KCP: variants seen among roughly 807,000 people sequenced by gnomAD.
The protein encoded by KCP is kielin/chordin-like protein.
A neutral mutation model predicts 212.7 loss-of-function variants in KCP; 194 were observed. The observed-to-expected ratio is 0.91, with a 90% CI of 0.81 to 1.03. The LOEUF is 1.03. KCP is among the 50% of genes least tolerant of loss of function. The pLI is 0.00. For missense variants in KCP, 2,080 were observed against 2,162.5 expected, an observed-to-expected ratio of 0.96 and a Z score of 0.76; for synonymous variants, 833 against 865.3, an observed-to-expected ratio of 0.96 and a Z score of 0.65.
intron 5 of KCP, among the ~76,000 whole-genome samples, chr7:128,905,591 C>T (rs997127010): frequency 5.9e-5 from 9 of 152,312 alleles, no homozygotes; most frequent in Non-Finnish European, 1.2e-4. Flanking sequence ...GTCACAGCCC[C>T]GACGCCTCTG....
At chr7:128,880,118 C>A in intron 34 of KCP, 33 bp from the exon 35 acceptor site, 4 of 1,486,738 alleles carry the variant, frequency 2.7e-6, no homozygotes, top group Non-Finnish European at 3.6e-6. Flanking sequence ...TCAGACACAC[C>A]GCCCTCCCCG....
intron 8 of KCP, among the ~76,000 whole-genome samples, chr7:128,898,395 G>T (rs1286497146): frequency 6.6e-6 from 1 of 152,130 alleles, no homozygotes; most frequent in Non-Finnish European, 1.5e-5. Flanking sequence ...CTGCTTTACA[G>T]TTAGGTAAGG....
At chr7:128,888,021 CCACACACACACATACACACA>C (rs1436972478) in intron 22 of KCP, among the ~76,000 whole-genome samples, 17 of 131,594 alleles carry the variant, frequency 1.3e-4, no homozygotes, top group African/African-American at 5.3e-4. Context: ...CCACACACAG[CCACACACACACATACACACA>C]CACACACACA....
chr7:128,886,402 G>A (rs1027877953), intron 26 of KCP, 62 bp downstream of exon 26: 2 of 1,372,352 alleles, frequency 1.5e-6, no homozygotes, highest in Non-Finnish European at 2.0e-6. Context: ...GGGAGGTGGG[G>A]TGGACAGAGG....
At position 128,908,483 on chromosome 7, in the gene KCP, G is replaced by A; in HGVS notation, c.162C>T (p.His54=). 1 of 1,551,962 alleles carries A rather than the reference G, an allele frequency of 6.4e-7. No homozygotes were observed. The highest frequency in any genetic ancestry group is 8.7e-7 in the Non-Finnish European group (1 of 1,147,040). The change falls in exon 2 of 40, where the codon CAC becomes CAT. Residue 54 remains histidine (H), a synonymous_variant. Transcript: ENST00000610776. ...VLAGNSQEQW[H]PLREWLGRLE... is the part of the protein sequence containing the mutation. ...GTCGCCCCAGCCACTCTCGCAGGGG[G>A]TGCCACTGCTCCTGGGAGTTCCCAG...
chr7:128,880,365 AT>A lies in KCP; in HGVS notation c.3759+20del. On this transcript the variant is annotated intron_variant, in intron 34 of 39. Transcript: ENST00000610776. ...TGCCCCCACCCTGACCCTCCCCACC[AT>A]TTTAGATTGCGGCACTCACGGGGCC... 1 of 1,289,388 alleles carries A rather than the reference AT, an allele frequency of 7.8e-7. No individual in the cohort carries two copies. The highest frequency in any genetic ancestry group is 1.0e-6 in the Non-Finnish European group (1 of 956,328). The allele number at this position is 1,289,388 out of a possible 1,614,324, so 79.9% of individuals were successfully genotyped here.
intron 5 of KCP, among the ~76,000 whole-genome samples, chr7:128,905,906 G>A (rs1481105685): frequency 3.3e-5 from 5 of 152,162 alleles, no homozygotes; most frequent in Admixed American, 2.0e-4. Context: ...CAGCCTCGAC[G>A]GGCTTCCCCT....
At chr7:128,903,432 GGTCATCCCTGAGGGCTGACCCCAT>G in intron 7 of KCP, 1 of 484,680 alleles carries the variant, frequency 2.1e-6, no homozygotes, top group Non-Finnish European at 3.7e-6. Context: ...ACACTCTAGG[GGTCATCCCTGAGGGCTGACCCCAT>G]GTCTCATGAT....
intron 26 of KCP, 60 bp from the exon 27 acceptor site, chr7:128,885,330 G>GC (rs929839398): frequency 6.8e-7 from 1 of 1,478,864 alleles, no homozygotes; most frequent in Non-Finnish European, 9.1e-7. Flanking sequence ...TCTGCTCCTG[G>GC]CCCCCACCCT....
chr7:128,893,371 T>C lies in KCP; in HGVS notation c.1185+20A>G, dbSNP rs1794301337. 1.3e-6 allele frequency: 2 copies of C among 1,551,598 alleles called. No individual in the cohort carries two copies. The highest frequency in any genetic ancestry group is 2.7e-5 in the African/African-American group (2 of 73,146). ...TGAAGGAATGAGGCAGATCTGGGTG[T>C]GAGCGGAGGGACCGCCTACCTGGCA... On this transcript the variant is annotated intron_variant, in intron 12 of 39. Transcript: ENST00000610776.
Position 128,883,952 on chromosome 7 carries a change from G to T in KCP, c.3244+50C>A, listed in dbSNP as rs1053023070. On this transcript the variant is annotated intron_variant, in intron 29 of 39. Transcript: ENST00000610776. ...GACTGGTGAGGAAGGGCGGCAGGGG[G>T]TGGCAGCCCTAACCTCATATCTCAT... 6 of 1,516,282 alleles carry T rather than the reference G, an allele frequency of 4.0e-6. No individual in the cohort carries two copies. The Admixed American group carries it at 1.3e-4, about 34-fold the overall frequency. The allele number at this position is 1,516,282 out of a possible 1,614,324, so 93.9% of individuals were successfully genotyped here.
At chr7:128,878,810 C>A in intron 37 of KCP, 88 bp from the exon 38 acceptor site, 2 of 1,285,924 alleles carry the variant, frequency 1.6e-6, no homozygotes, top group South Asian at 3.0e-5. Context: ...GCACTGTGTT[C>A]AGTGCGGCCA....
chr7:128,909,392 C>A (rs1795314155), intron 1 of KCP, among the ~76,000 whole-genome samples: 2 of 152,180 alleles, frequency 1.3e-5, no homozygotes, highest in African/African-American at 2.4e-5. Context: ...TTCTCACAGA[C>A]ACTAGGCCTG....
Position 128,892,796 on chromosome 7 carries a change from T to G in KCP, c.1421-2A>C. On this transcript the variant is annotated splice_acceptor_variant, in intron 14 of 39. Coordinates refer to ENST00000610776, the MANE Select transcript of KCP (RefSeq NM_001366122.1). LOFTEE classifies it high-confidence loss of function. ...TGTCACAGCTGGGGCAGCAGGCACC[T>G]GGGTGGGGCAGGCTGGTCAGGGTGA... The G allele has an allele frequency of 1.3e-6, 2 of 1,551,408 alleles. No homozygotes were observed. Among genetic ancestry groups the G allele is most frequent in the South Asian group, 1.2e-5 (1 of 84,050 alleles).
chr7:128,893,716 C>A, intron 11 of KCP, 90 bp downstream of exon 11: 1 of 1,374,604 alleles, frequency 7.3e-7, no homozygotes, highest in Non-Finnish European at 9.9e-7. Context: ...GTAACAGGGG[C>A]TTAGGTCCAA....
chr7:128,907,378 GC>G lies in KCP; in HGVS notation c.294del (p.Leu99TrpfsTer120), dbSNP rs1390379431. 6.5e-7 allele frequency: 1 copy of G among 1,540,948 alleles called. No homozygotes were observed. Among genetic ancestry groups the G allele is most frequent in the Non-Finnish European group, 8.8e-7 (1 of 1,138,898 alleles). The stretch of plus-strand genomic sequence containing the variant: ...GCCCCCTCGGGCCAGGCACGCCCCA[GC>G]CCCCAGCACTGGGGAGATGCAGGGT... ...ECHPASPQCW[G>X]LGRAWPEGAR... On this transcript the variant is annotated frameshift_variant, in exon 3 of 40. Coordinates refer to ENST00000610776, the MANE Select transcript of KCP (RefSeq NM_001366122.1). LOFTEE classifies it high-confidence loss of function.
intron 7 of KCP, 118 bp from the exon 8 acceptor site, chr7:128,902,977 T>A: frequency 1.3e-6 from 1 of 752,406 alleles, no homozygotes; most frequent in Non-Finnish European, 2.3e-6. Context: ...GAGCCAAGAC[T>A]AGATGGGGTC....
chr7:128,888,280 TCACA>T (rs1324831122), intron 22 of KCP, among the ~76,000 whole-genome samples: 9 of 96,000 alleles, frequency 9.4e-5, no homozygotes, highest in Middle Eastern at 0.01. Flanking sequence ...ACATACACTG[TCACA>T]CACACAGAGC....
intron 23 of KCP, 48 bp from the exon 24 acceptor site, chr7:128,887,014 C>A: frequency 8.9e-7 from 1 of 1,126,680 alleles, no homozygotes; most frequent in South Asian, 1.3e-5. Context: ...GCACATTTCC[C>A]CAGGGCTGGA....
Sources: gnomAD v4.1 joint callset for allele counts (sites outside exome capture counted in the v4.1 genomes callset) on GRCh38, gnomAD v4.1.1 for gene constraint, MANE v1.5 for transcripts, NCBI Gene and HGNC (gene_info 2026-07-23, HGNC 2026-07-21) for gene names.